The following DLG2 variants were observed in gnomAD, a reference collection of about 807,000 sequenced individuals.
DLG2 encodes the protein discs large MAGUK scaffold protein 2, also known as disks large homolog 2.
DLG2 carries 45 observed loss-of-function variants against 132.5 expected under a neutral mutation model. The observed-to-expected ratio is 0.34, with a 90% CI of 0.27 to 0.44. The LOEUF (loss-of-function observed/expected upper bound fraction) is 0.44. Ranked by LOEUF, DLG2 falls within the 20% of genes least tolerant of loss-of-function variation. The pLI is 1.00. For missense variants in DLG2, 1,045 were observed against 1,196.9 expected (o/e 0.87, Z 1.87); for synonymous variants, 424 against 419.6 (o/e 1.01, Z -0.13).
chr11:83,909,915 A>G (rs947903914), intron 15 of DLG2, among the ~76,000 whole-genome samples: 3 of 152,178 alleles, frequency 2.0e-5, no homozygotes, highest in Admixed American at 1.3e-4. Flanking sequence ...AAGCAGCCTC[A>G]ATGTCTCCAT....
intron 4 of DLG2, among the ~76,000 whole-genome samples, chr11:85,248,895 C>A (rs2076264513): frequency 6.6e-6 from 1 of 151,966 alleles, no homozygotes; most frequent in African/African-American, 2.4e-5. Flanking sequence ...AATCTTTTGA[C>A]TAGGGGACAA....
chr11:83,893,330 G>A (rs1277034528), intron 15 of DLG2, among the ~76,000 whole-genome samples: 1 of 152,186 alleles, frequency 6.6e-6, no homozygotes, highest in African/African-American at 2.4e-5. Flanking sequence ...AAAATACACA[G>A]TCCCTTTGAG....
intron 3 of DLG2, among the ~76,000 whole-genome samples, chr11:85,359,684 T>G (rs1300251568): frequency 6.6e-6 from 1 of 152,122 alleles, no homozygotes; most frequent in Non-Finnish European, 1.5e-5. Context: ...GTTCAGGCAA[T>G]GCTCTTTAAT....
chr11:83,946,195 G>A (rs1381527255), intron 14 of DLG2, among the ~76,000 whole-genome samples: 1 of 151,876 alleles, frequency 6.6e-6, no homozygotes, highest in Admixed American at 6.6e-5. Flanking sequence ...TCACCATGTT[G>A]GCCAGGCTCG....
At chr11:84,948,801 AAGTT>A (rs2050554333) in intron 6 of DLG2, among the ~76,000 whole-genome samples, 1 of 152,202 alleles carries the variant, frequency 6.6e-6, no homozygotes, top group Non-Finnish European at 1.5e-5. Context: ...TGACCTTGGT[AAGTT>A]ACATCATTTC....
intron 17 of DLG2, among the ~76,000 whole-genome samples, chr11:83,807,584 G>A (rs2046232699): frequency 6.6e-6 from 1 of 152,058 alleles, no homozygotes; most frequent in Admixed American, 6.5e-5. Flanking sequence ...AGGAAGGAGG[G>A]GAAAAGCGAA....
At chr11:84,126,291 A>C (rs1450156962) in intron 9 of DLG2, among the ~76,000 whole-genome samples, 1 of 152,198 alleles carries the variant, frequency 6.6e-6, no homozygotes, top group Non-Finnish European at 1.5e-5. Context: ...AATAAACTTA[A>C]ATAAATATTG....
chr11:85,522,779 G>T (rs184456756), intron 3 of DLG2, among the ~76,000 whole-genome samples: 1 of 152,090 alleles, frequency 6.6e-6, no homozygotes, highest in Non-Finnish European at 1.5e-5. Flanking sequence ...TTTCCCATTC[G>T]GAATGGGTGG....
intron 19 of DLG2, among the ~76,000 whole-genome samples, chr11:83,619,360 T>C (rs2061315888): frequency 1.3e-5 from 2 of 152,196 alleles, no homozygotes; most frequent in South Asian, 4.1e-4. Context: ...AGAGAGCATA[T>C]ATGAAATCAA....
chr11:84,790,889 T>C (rs919766536), intron 6 of DLG2, among the ~76,000 whole-genome samples: 6 of 152,222 alleles, frequency 3.9e-5, no homozygotes, highest in African/African-American at 1.4e-4. Context: ...GAAAATGACT[T>C]CACTGTAGGT....
At chr11:84,094,101 T>C (rs1383396445) in intron 10 of DLG2, among the ~76,000 whole-genome samples, 9 of 152,166 alleles carry the variant, frequency 5.9e-5, no homozygotes, top group Non-Finnish European at 4.4e-5. Flanking sequence ...TTCTGCATTA[T>C]AGCTTAGAAG....
intron 4 of DLG2, among the ~76,000 whole-genome samples, chr11:85,204,520 G>T (rs2081722343): frequency 6.6e-6 from 1 of 151,996 alleles, no homozygotes. Flanking sequence ...AAACTCTGAT[G>T]AAAATAAATT....
intron 4 of DLG2, among the ~76,000 whole-genome samples, chr11:85,174,459 C>G (rs2079082961): frequency 6.6e-6 from 1 of 152,076 alleles, no homozygotes; most frequent in African/African-American, 2.4e-5. Flanking sequence ...TGGGAAACAA[C>G]TAAAGCAGTG....
At chr11:84,236,797 T>C (rs959511766) in intron 8 of DLG2, among the ~76,000 whole-genome samples, 6 of 152,326 alleles carry the variant, frequency 3.9e-5, no homozygotes, top group East Asian at 3.9e-4. Flanking sequence ...TTAGAAGAAC[T>C]AGATGCTTTA....
intron 6 of DLG2, among the ~76,000 whole-genome samples, chr11:84,806,364 C>A (rs962338107): frequency 2.6e-5 from 4 of 152,056 alleles, no homozygotes; most frequent in Non-Finnish European, 4.4e-5. Flanking sequence ...GGAAAGAAAT[C>A]TGTGCAGGCA....
chr11:83,748,886 C>T (rs1459403366), intron 18 of DLG2, among the ~76,000 whole-genome samples: 5 of 152,076 alleles, frequency 3.3e-5, no homozygotes. Context: ...GCTTTTTTTG[C>T]CATTTGAAAT....
At chr11:83,476,009 C>G (rs2092585617) in intron 22 of DLG2, among the ~76,000 whole-genome samples, 1 of 152,038 alleles carries the variant, frequency 6.6e-6, no homozygotes, top group East Asian at 1.9e-4. Context: ...TGTGTTTAAA[C>G]TGGAAGCCAG....
At chr11:84,973,297 GA>G (rs1260025281) in intron 6 of DLG2, among the ~76,000 whole-genome samples, 6 of 152,120 alleles carry the variant, frequency 3.9e-5, no homozygotes, top group Non-Finnish European at 7.4e-5. Flanking sequence ...AGTGACATGA[GA>G]ATATCTTTTT....
chr11:85,167,613 T>C (rs957337119), intron 4 of DLG2, among the ~76,000 whole-genome samples: 4 of 152,124 alleles, frequency 2.6e-5, no homozygotes, highest in African/African-American at 9.7e-5. Flanking sequence ...TAAGTCTGCC[T>C]AGTTTATTAC....
Sources: gnomAD v4.1 joint callset for allele counts (sites outside exome capture counted in the v4.1 genomes callset) on GRCh38, gnomAD v4.1.1 for gene constraint, MANE v1.5 for transcripts, NCBI Gene and HGNC (gene_info 2026-07-23, HGNC 2026-07-21) for gene names.